Variants in PDE4D observed in about 807,000 individuals in gnomAD.
PDE4D encodes 3',5'-cyclic-AMP phosphodiesterase 4D.
In PDE4D, 24 loss-of-function variants were observed where a neutral mutation model predicts 87.4. The observed-to-expected ratio is 0.27, with a 90% CI of 0.20 to 0.39. The LOEUF (loss-of-function observed/expected upper bound fraction) is 0.39. Ranked by LOEUF, PDE4D falls within the 10% of genes least tolerant of loss-of-function variation. PDE4D has a pLI of 1.00. For synonymous variants in PDE4D, 384 were observed against 383.2 expected (o/e 1.00, Z -0.02); for missense variants, 714 against 1,041.0 (o/e 0.69, Z 4.32).
intron 1 of PDE4D, among the ~76,000 whole-genome samples, chr5:60,468,650 G>A (rs1005126322): frequency 6.6e-6 from 1 of 151,194 alleles, no homozygotes; most frequent in Non-Finnish European, 1.5e-5. Context: ...TACTTTTTAA[G>A]TAGCTGGAAG....
intron 1 of PDE4D, among the ~76,000 whole-genome samples, chr5:60,220,557 C>T (rs1744380091): frequency 6.6e-6 from 1 of 152,064 alleles, no homozygotes; most frequent in African/African-American, 2.4e-5. Flanking sequence ...CTCAGGTGAT[C>T]CTATTGTGCA....
At chr5:59,955,021 G>T (rs988389016) in intron 3 of PDE4D, among the ~76,000 whole-genome samples, 1 of 151,914 alleles carries the variant, frequency 6.6e-6, no homozygotes, top group South Asian at 2.1e-4. Flanking sequence ...CAAATATTCA[G>T]GAATAAGAAA....
rs1583400480 is a variant in PDE4D at position 60,317,130 on chromosome 5, G to T, written c.-89-131443C>A. Among the ~76,000 whole-genome samples the T allele has an allele frequency of 3.9e-5, 6 of 152,112 alleles. No homozygotes were observed. In the East Asian group the frequency reaches 1.2e-3, roughly 29 times the overall value. ...TCCATCTGGTCCTGGACTTTTTTTG[G>T]TTGATAAGCTATTAATTATTGCCTC... On this transcript the variant is annotated intron_variant, in intron 1 of 16. Transcript: ENST00000502484.
chr5:59,955,680 A>G (rs1464276775), intron 3 of PDE4D, among the ~76,000 whole-genome samples: 2 of 152,190 alleles, frequency 1.3e-5, no homozygotes, highest in Non-Finnish European at 2.9e-5. Flanking sequence ...TGCCTCTTGT[A>G]GCAGGAGGGT....
intron 1 of PDE4D, among the ~76,000 whole-genome samples, chr5:59,390,621 G>T (rs1375744755): frequency 6.6e-6 from 1 of 152,098 alleles, no homozygotes; most frequent in Non-Finnish European, 1.5e-5. Flanking sequence ...AAAAATGATT[G>T]TTATAGACAT....
At chr5:60,143,942 C>T (rs1320540467) in intron 2 of PDE4D, among the ~76,000 whole-genome samples, 1 of 152,112 alleles carries the variant, frequency 6.6e-6, no homozygotes, top group African/African-American at 2.4e-5. Context: ...AGATGTGAAG[C>T]AGGCTGACTT....
chr5:59,170,342 G>A (rs1782564308), intron 5 of PDE4D, among the ~76,000 whole-genome samples: 1 of 152,126 alleles, frequency 6.6e-6, no homozygotes, highest in African/African-American at 2.4e-5. Flanking sequence ...CTGATCATCT[G>A]AAGGATAATA....
intron 1 of PDE4D, among the ~76,000 whole-genome samples, chr5:59,634,413 C>T (rs1225667665): frequency 6.6e-6 from 1 of 152,168 alleles, no homozygotes; most frequent in East Asian, 1.9e-4. Flanking sequence ...AACTCTCCAC[C>T]ACAAATCAAC....
At chr5:59,473,452 C>T (rs1333624227) in intron 1 of PDE4D, among the ~76,000 whole-genome samples, 2 of 152,026 alleles carry the variant, frequency 1.3e-5, no homozygotes, top group Non-Finnish European at 2.9e-5. Flanking sequence ...CTGTAGACAA[C>T]ACCAAGCCAC....
intron 1 of PDE4D, among the ~76,000 whole-genome samples, chr5:60,233,810 GAC>G (rs1746097837): frequency 6.6e-6 from 1 of 151,716 alleles, no homozygotes; most frequent in African/African-American, 2.4e-5. Flanking sequence ...AGGAAACTGA[GAC>G]ACAGAGAAAT....
At chr5:59,658,023 T>C (rs2150270910) in intron 1 of PDE4D, among the ~76,000 whole-genome samples, 1 of 152,286 alleles carries the variant, frequency 6.6e-6, no homozygotes, top group South Asian at 2.1e-4. Flanking sequence ...TATAAACTGG[T>C]TTAAGGGAAA....
chr5:60,491,727 T>A (rs1437066942), upstream of PDE4D, among the ~76,000 whole-genome samples: 4 of 152,222 alleles, frequency 2.6e-5, no homozygotes, highest in African/African-American at 9.6e-5. Context: ...ACCATATCTT[T>A]GCTTTAAACA....
rs771605445 is a variant in PDE4D, at chr5:59,893,666, C to A, written c.-44G>T. 2.8e-5 allele frequency: 40 copies of A among 1,415,448 alleles called. No homozygotes were observed. In the South Asian group the frequency reaches 6.1e-4, roughly 22 times the overall value. The allele number at this position is 1,415,448 out of a possible 1,614,324, so 87.7% of individuals were successfully genotyped here. ...GACCTGCTGCCCAGCCCGGGTTCAC[C>A]GCGCTGGCCCGAGCGCCTTCCTGAT... On this transcript the variant is annotated 5_prime_UTR_variant, in exon 1 of 15. Coordinates refer to ENST00000340635, the MANE Select transcript of PDE4D (RefSeq NM_001104631.2).
chr5:60,111,852 T>G (rs1344576403), intron 2 of PDE4D, among the ~76,000 whole-genome samples: 2 of 152,046 alleles, frequency 1.3e-5, no homozygotes, highest in Admixed American at 6.6e-5. Context: ...TCATTTGATA[T>G]GGGAATGACA....
At chr5:59,319,553 T>C (rs182974750) in intron 1 of PDE4D, among the ~76,000 whole-genome samples, 76 of 152,274 alleles carry the variant, frequency 5.0e-4, no homozygotes, top group Admixed American at 3.9e-3. Context: ...TAGCTATGGC[T>C]GGCTTTAGAC....
intron 1 of PDE4D, among the ~76,000 whole-genome samples, chr5:59,466,592 G>C (rs1372607026): frequency 6.6e-6 from 1 of 152,110 alleles, no homozygotes; most frequent in Non-Finnish European, 1.5e-5. Flanking sequence ...GTTTTTTTCT[G>C]TCCAGATAAG....
At chr5:59,286,324 C>T (rs1050093113) in intron 1 of PDE4D, among the ~76,000 whole-genome samples, 1 of 152,182 alleles carries the variant, frequency 6.6e-6, no homozygotes, top group Non-Finnish European at 1.5e-5. Context: ...TCTTCCACCA[C>T]ACAGTCAAGA....
At chr5:60,010,896 T>C (rs10068304) in intron 2 of PDE4D, among the ~76,000 whole-genome samples, 1 of 152,086 alleles carries the variant, frequency 6.6e-6, no homozygotes, top group South Asian at 2.1e-4. Context: ...TCTTAATAAC[T>C]TCTCACTTAC....
intron 1 of PDE4D, among the ~76,000 whole-genome samples, chr5:59,654,011 G>C (rs986558270): frequency 2.0e-5 from 3 of 152,022 alleles, no homozygotes; most frequent in African/African-American, 7.2e-5. Context: ...TTCAAGCCCA[G>C]CCTGCACAAC....
Sources: gnomAD v4.1 joint callset for allele counts (sites outside exome capture counted in the v4.1 genomes callset) on GRCh38, gnomAD v4.1.1 for gene constraint, MANE v1.5 for transcripts, NCBI Gene and HGNC (gene_info 2026-07-23, HGNC 2026-07-21) for gene names.